Variants in HDAC9 observed in about 807,000 individuals in gnomAD.
The protein encoded by HDAC9 is histone deacetylase 9.
HDAC9 carries 41 observed loss-of-function variants against 139.4 expected under a neutral mutation model. The observed-to-expected ratio is 0.29, with a 90% CI of 0.23 to 0.38. HDAC9 has a LOEUF of 0.38. HDAC9 is among the 10% of genes least tolerant of loss of function. The pLI is 1.00. For missense variants in HDAC9, 1,147 were observed against 1,297.0 expected, an observed-to-expected ratio of 0.88 and a Z score of 1.78; for synonymous variants, 517 against 476.2, an observed-to-expected ratio of 1.09 and a Z score of -1.12.
intron 1 of HDAC9, among the ~76,000 whole-genome samples, chr7:18,124,915 C>G (rs905414796): frequency 7.0e-6 from 1 of 142,490 alleles, no homozygotes; most frequent in Admixed American, 7.0e-5. Flanking sequence ...TTTTTTTTAA[C>G]ATTGTTAGCA....
chr7:18,663,179 T>G (rs1184058868), intron 11 of HDAC9, among the ~76,000 whole-genome samples: 1 of 151,978 alleles, frequency 6.6e-6, no homozygotes, highest in Non-Finnish European at 1.5e-5. Context: ...TGTTTGAAAT[T>G]GAGATTTAGA....
chr7:18,360,065 C>T (rs566687126), intron 1 of HDAC9, among the ~76,000 whole-genome samples: 38 of 152,278 alleles, frequency 2.5e-4, no homozygotes, highest in Admixed American at 5.2e-4. Context: ...CTCTCTAAAC[C>T]CCTCACTTCT....
chr7:18,415,317 T>C (rs1788953178), intron 1 of HDAC9, among the ~76,000 whole-genome samples: 1 of 152,232 alleles, frequency 6.6e-6, no homozygotes. Flanking sequence ...ACTGCGCTAG[T>C]TTTAAAAATA....
At chr7:18,745,127 C>A in intron 13 of HDAC9, among the ~76,000 whole-genome samples, 1 of 151,948 alleles carries the variant, frequency 6.6e-6, no homozygotes, top group African/African-American at 2.4e-5. Context: ...TATTTCTCAC[C>A]CTATAAGTCC....
chr7:18,509,170 C>T (rs1194178452), intron 2 of HDAC9: 2 of 570,316 alleles, frequency 3.5e-6, no homozygotes, highest in Non-Finnish European at 4.4e-6. Flanking sequence ...GACACATTAT[C>T]TCACATGCTT....
At chr7:18,189,937 G>GTGTA (rs895851819) in intron 2 of HDAC9, among the ~76,000 whole-genome samples, 6 of 152,008 alleles carry the variant, frequency 3.9e-5, no homozygotes, top group African/African-American at 1.4e-4. Flanking sequence ...GTGTGTGTGT[G>GTGTA]TGTGTGTGTG....
At chr7:18,570,557 A>AAGT (rs147371067) in intron 2 of HDAC9, among the ~76,000 whole-genome samples, 2 of 152,344 alleles carry the variant, frequency 1.3e-5, no homozygotes, top group Non-Finnish European at 2.9e-5. Context: ...TATTTTGTAG[A>AAGT]AGTCAAATAG....
At chr7:18,933,793 G>A (rs1781429037) in intron 22 of HDAC9, among the ~76,000 whole-genome samples, 2 of 151,940 alleles carry the variant, frequency 1.3e-5, no homozygotes, top group Non-Finnish European at 1.5e-5. Flanking sequence ...ACATAAACAA[G>A]GAGTTAAGAA....
intron 2 of HDAC9, among the ~76,000 whole-genome samples, chr7:18,562,269 T>C (rs899912747): frequency 6.6e-6 from 1 of 152,192 alleles, no homozygotes; most frequent in African/African-American, 2.4e-5. Context: ...TCTTCCATTC[T>C]GTGGATTGAT....
intron 2 of HDAC9, among the ~76,000 whole-genome samples, chr7:18,539,967 G>A (rs183486548): frequency 1.4e-4 from 21 of 151,814 alleles, no homozygotes; most frequent in Admixed American, 1.3e-3. Context: ...GGCAAAAGGG[G>A]AAAATGTTGG....
intron 1 of HDAC9, among the ~76,000 whole-genome samples, chr7:18,404,432 TGGA>T (rs1217599696): frequency 6.6e-6 from 1 of 152,198 alleles, no homozygotes; most frequent in Non-Finnish European, 1.5e-5. Flanking sequence ...GGTTGTATAT[TGGA>T]GAATTATGCT....
chr7:18,303,569 G>T (rs1376001169), intron 1 of HDAC9, among the ~76,000 whole-genome samples: 3 of 152,058 alleles, frequency 2.0e-5, no homozygotes, highest in African/African-American at 7.2e-5. Flanking sequence ...TTACATTTAC[G>T]TTGAAAAGCA....
chr7:18,731,810 G>A (rs1786076393), intron 13 of HDAC9, among the ~76,000 whole-genome samples: 1 of 152,030 alleles, frequency 6.6e-6, no homozygotes, highest in South Asian at 2.1e-4. Flanking sequence ...ATTTTTAGTA[G>A]AGACGGGGTT....
At chr7:18,474,996 A>C (rs753585633) in intron 1 of HDAC9, among the ~76,000 whole-genome samples, 2 of 152,240 alleles carry the variant, frequency 1.3e-5, no homozygotes, top group Non-Finnish European at 2.9e-5. Context: ...TAGTCACAGT[A>C]AGTGTTAATA....
At chr7:18,854,308 C>T (rs909425167) in intron 21 of HDAC9, among the ~76,000 whole-genome samples, 48 of 152,222 alleles carry the variant, frequency 3.2e-4, no homozygotes, top group African/African-American at 1.1e-3. Flanking sequence ...TTAGCTCTAT[C>T]TGCCAGGTGA....
intron 1 of HDAC9, among the ~76,000 whole-genome samples, chr7:18,312,064 T>G (rs539466026): frequency 2.8e-4 from 42 of 152,206 alleles, no homozygotes; most frequent in Non-Finnish European, 5.1e-4. Flanking sequence ...ACAAAGTGAT[T>G]GTAGGGCCTA....
At chr7:18,513,859 T>G (rs1011086409) in intron 2 of HDAC9, among the ~76,000 whole-genome samples, 36 of 152,210 alleles carry the variant, frequency 2.4e-4, no homozygotes, top group African/African-American at 7.5e-4. Flanking sequence ...ATAATTTTGA[T>G]TTAGTGGGCA....
chr7:18,109,731 G>A (rs1783482581), intron 1 of HDAC9, among the ~76,000 whole-genome samples: 1 of 151,968 alleles, frequency 6.6e-6, no homozygotes, highest in Non-Finnish European at 1.5e-5. Flanking sequence ...AGAGCTTCAT[G>A]TGGTGCGCCA....
intron 24 of HDAC9, among the ~76,000 whole-genome samples, chr7:18,957,118 A>C (rs1783207392): frequency 6.6e-6 from 1 of 152,136 alleles, no homozygotes; most frequent in Non-Finnish European, 1.5e-5. Flanking sequence ...TAGTGGGTTG[A>C]GGTTGTAAAA....
Sources: gnomAD v4.1 joint callset for allele counts (sites outside exome capture counted in the v4.1 genomes callset) on GRCh38, gnomAD v4.1.1 for gene constraint, MANE v1.5 for transcripts, NCBI Gene and HGNC (gene_info 2026-07-23, HGNC 2026-07-21) for gene names.